The following MRTFB variants were observed in gnomAD, a reference collection of about 807,000 sequenced individuals.
The protein encoded by MRTFB is myocardin related transcription factor B.
In MRTFB, 29 loss-of-function variants were observed where a neutral mutation model predicts 104.2. The ratio of observed to expected loss-of-function variants is 0.28; its 90% CI spans 0.21 to 0.38. The LOEUF (loss-of-function observed/expected upper bound fraction) is 0.38, where lower values mean the gene tolerates loss of function less well. MRTFB is among the 10% of genes least tolerant of loss of function. The pLI is 1.00. For synonymous variants in MRTFB, 535 were observed against 519.5 expected, an observed-to-expected ratio of 1.03 and a Z score of -0.41; for missense variants, 1,270 against 1,341.6, an observed-to-expected ratio of 0.95 and a Z score of 0.83.
chr16:14,034,388 C>T, the MRTFB span, among the ~76,000 whole-genome samples: 11 of 152,112 alleles, frequency 7.2e-5, no homozygotes, highest in Non-Finnish European at 1.5e-4. Context: ...CCAAGGTGGG[C>T]GGATCACTTG....
At chr16:14,146,787 G>A (rs909621449) in intron 3 of MRTFB, among the ~76,000 whole-genome samples, 3 of 152,138 alleles carry the variant, frequency 2.0e-5, no homozygotes, top group African/African-American at 7.2e-5. Flanking sequence ...ATATACAATG[G>A]CAATGAACAT....
chr16:14,173,217 G>A (rs2039479618), intron 3 of MRTFB, among the ~76,000 whole-genome samples: 1 of 151,824 alleles, frequency 6.6e-6, no homozygotes, highest in Non-Finnish European at 1.5e-5. Context: ...TTTTCCATAT[G>A]AACTTGAGTA....
chr16:14,118,905 A>T (rs79523764), intron 2 of MRTFB, among the ~76,000 whole-genome samples: 2,359 of 151,860 alleles, frequency 0.016, 58 homozygotes, highest in African/African-American at 0.052. Flanking sequence ...AGATTTAGCC[A>T]TGTAGATGTG....
the MRTFB span, among the ~76,000 whole-genome samples, chr16:14,021,672 A>G: frequency 6.6e-6 from 1 of 152,156 alleles, no homozygotes; most frequent in Admixed American, 6.6e-5. Flanking sequence ...AGAACATACA[A>G]TGTTTGGTTT....
At chr16:14,036,471 A>C in the MRTFB span, among the ~76,000 whole-genome samples, 1 of 147,778 alleles carries the variant, frequency 6.8e-6, no homozygotes, top group Non-Finnish European at 1.5e-5. Context: ...TATATGTTGA[A>C]ATATATATAT....
chr16:14,006,053 C>G, the MRTFB span, among the ~76,000 whole-genome samples: 1 of 151,352 alleles, frequency 6.6e-6, no homozygotes, highest in African/African-American at 2.4e-5. Flanking sequence ...GCTAAAAATA[C>G]AAAAATTAGC....
chr16:14,194,914 A>C (rs2040364948), intron 3 of MRTFB, among the ~76,000 whole-genome samples: 1 of 152,114 alleles, frequency 6.6e-6, no homozygotes, highest in Admixed American at 6.5e-5. Context: ...CAATGAGCCC[A>C]CATTAAAGCT....
intron 15 of MRTFB, among the ~76,000 whole-genome samples, chr16:14,255,951 A>G (rs1039366726): frequency 6.6e-6 from 1 of 152,010 alleles, no homozygotes; most frequent in Non-Finnish European, 1.5e-5. Flanking sequence ...CATCATTACA[A>G]AAAAGACAAA....
At chr16:14,194,378 G>T (rs1363434822) in intron 3 of MRTFB, among the ~76,000 whole-genome samples, 1 of 152,180 alleles carries the variant, frequency 6.6e-6, no homozygotes, top group East Asian at 1.9e-4. Flanking sequence ...GAGCCCTCAG[G>T]TGTCTCTTCT....
In MRTFB at chr16:14,245,633, T is replaced by C. The variant is rs779407192; in HGVS notation, c.1185T>C (p.Pro395=). The change falls in exon 11 of 17, where the codon CCT becomes CCC. Residue 395 remains proline (P), a synonymous_variant. Coordinates refer to ENST00000571589, the MANE Select transcript of MRTFB (RefSeq NM_001308142.2). ...CTACTCCTGTGAGAAAGCCAGGACCTCTGCCTTCTAGCCTGGATGACTTAA... is the reference window on the plus strand; with the variant it reads ...CTACTCCTGTGAGAAAGCCAGGACCCCTGCCTTCTAGCCTGGATGACTTAA... ...NTSTPVRKPG[P]LPSSLDDLKV... is the part of the protein sequence containing the mutation. 1.9e-5 allele frequency: 31 copies of C among 1,613,788 alleles called. No homozygotes were observed. Among genetic ancestry groups the C allele is most frequent in the Non-Finnish European group, 2.5e-5 (30 of 1,179,940 alleles).
chr16:14,237,328 G>A (rs1187119647), intron 9 of MRTFB, among the ~76,000 whole-genome samples: 1 of 152,308 alleles, frequency 6.6e-6, no homozygotes, highest in South Asian at 2.1e-4. Flanking sequence ...GCAAGAGTGA[G>A]GCAAGGCAGC....
chr16:14,048,586 G>A, the MRTFB span, among the ~76,000 whole-genome samples: 1 of 152,130 alleles, frequency 6.6e-6, no homozygotes, highest in Non-Finnish European at 1.5e-5. Flanking sequence ...CAGGGCCTTT[G>A]AGGTCCTATA....
At chr16:14,147,682 A>ATCTC (rs2142730252) in intron 3 of MRTFB, among the ~76,000 whole-genome samples, 1 of 152,290 alleles carries the variant, frequency 6.6e-6, no homozygotes, top group Non-Finnish European at 1.5e-5. Context: ...GCAGCATCAG[A>ATCTC]ATGCTAACAT....
chr16:14,259,370 G>A (rs1363652390), intron 16 of MRTFB, among the ~76,000 whole-genome samples: 5 of 152,160 alleles, frequency 3.3e-5, no homozygotes, highest in African/African-American at 1.2e-4. Context: ...TTTCTAAAAT[G>A]AGATTTTTTT....
chr16:14,140,614 A>C lies in MRTFB; in HGVS notation c.8A>C (p.His3Pro). The change falls in exon 3 of 17, where the codon CAC (histidine) becomes CCC (proline). Residue 3 changes from histidine to proline, a missense_variant. Around this residue, in one of 3 missense-constraint regions of MRTFB, gnomAD observed 62 missense variants for 57.2 expected, o/e 1.08. Transcript: ENST00000571589. ...GCCAGTGGCTGGAACACAATGGATCACACAGGGGCGATAGACACCGAGGAT... is the reference window on the plus strand; with the variant it reads ...GCCAGTGGCTGGAACACAATGGATCCCACAGGGGCGATAGACACCGAGGAT... MD[H>P]TGAIDTEDEV... 1 of 1,614,168 alleles carries C rather than the reference A, an allele frequency of 6.2e-7. No individual in the cohort carries two copies. Among genetic ancestry groups the C allele is most frequent in the Non-Finnish European group, 8.5e-7 (1 of 1,180,022 alleles).
rs530276736 is a variant in MRTFB, at chr16:14,083,159, G to A, written c.-64+3805G>A. Among the ~76,000 whole-genome samples the A allele has an allele frequency of 4.6e-5, 7 of 151,090 alleles. No individual in the cohort carries two copies. The South Asian group carries it at 1.0e-3, about 23-fold the overall frequency. ...TCTTGATTTTTTTTTCAGATAGTTC[G>A]TTGTTAGTATATAGAAGTATTACTG... On this transcript the variant is annotated intron_variant, in intron 2 of 16. Coordinates refer to ENST00000571589, the MANE Select transcript of MRTFB (RefSeq NM_001308142.2).
intron 3 of MRTFB, among the ~76,000 whole-genome samples, chr16:14,175,742 A>C (rs754116171): frequency 1.3e-4 from 20 of 152,226 alleles, no homozygotes; most frequent in Admixed American, 5.9e-4. Context: ...ATGGATAAAC[A>C]AAATATGGTA....
At chr16:14,254,259 C>G (rs925887702) in intron 15 of MRTFB, among the ~76,000 whole-genome samples, 1 of 152,198 alleles carries the variant, frequency 6.6e-6, no homozygotes, top group Non-Finnish European at 1.5e-5. Context: ...TAAGGCCCTA[C>G]CGGTTCAATC....
chr16:14,010,631 G>T, the MRTFB span, among the ~76,000 whole-genome samples: 2 of 151,924 alleles, frequency 1.3e-5, no homozygotes, highest in South Asian at 4.2e-4. Flanking sequence ...TCCCTATGTT[G>T]CCTAGGCTGG....
Sources: gnomAD v4.1 joint callset for allele counts (sites outside exome capture counted in the v4.1 genomes callset) on GRCh38, gnomAD v4.1.1 for gene constraint, gnomAD v4.1.1 regional missense constraint, MANE v1.5 for transcripts, NCBI Gene and HGNC (gene_info 2026-07-23, HGNC 2026-07-21) for gene names.